STARD9: variants seen among roughly 807,000 people sequenced by gnomAD.
STARD9 encodes the protein stAR-related lipid transfer protein 9.
A neutral mutation model predicts 399.8 loss-of-function variants in STARD9; 346 were observed. That is an observed-to-expected ratio of 0.87 (90% CI 0.79 to 0.95). The LOEUF (loss-of-function observed/expected upper bound fraction) is 0.95, where lower values mean the gene tolerates loss of function less well. STARD9 is among the 40% of genes least tolerant of loss of function. The probability of loss-of-function intolerance (pLI) is 0.00; values close to 1 mark genes in which losing one functional copy is unlikely to be tolerated. For missense variants in STARD9, 5,832 were observed against 5,667.5 expected, an observed-to-expected ratio of 1.03 and a Z score of -0.93; for synonymous variants, 2,203 against 2,143.5, an observed-to-expected ratio of 1.03 and a Z score of -0.77.
chr15:42,585,100 G>T (rs572679906), intron 2 of STARD9, among the ~76,000 whole-genome samples: 22 of 151,882 alleles, frequency 1.4e-4, no homozygotes, highest in Non-Finnish European at 2.4e-4. Context: ...GTTTAGACTT[G>T]GATTCACCCC....
In STARD9 at chr15:42,686,243, G is replaced by A; in HGVS notation, c.4665G>A (p.Arg1555=). The A allele has an allele frequency of 3.9e-6, 6 of 1,537,722 alleles. No homozygotes were observed. The highest frequency in any genetic ancestry group is 5.2e-6 in the Non-Finnish European group (6 of 1,147,028). The change falls in exon 23 of 33, where the codon AGG becomes AGA. Residue 1555 remains arginine, a synonymous_variant. Coordinates refer to ENST00000290607, the MANE Select transcript of STARD9 (RefSeq NM_020759.3). Reference sequence around the variant, plus strand: ...TTCCAGTCCATCTGTCCAGAATCAGGCGTTTGAGGGCAGAGAAAGAACAGG... The same window carrying A: ...TTCCAGTCCATCTGTCCAGAATCAGACGTTTGAGGGCAGAGAAAGAACAGG... The part of the protein sequence containing the change: ...NNFPVHLSRI[R]RLRAEKEQDS...
intron 2 of STARD9, among the ~76,000 whole-genome samples, chr15:42,583,905 C>T (rs2058222804): frequency 3.3e-5 from 5 of 152,048 alleles, no homozygotes; most frequent in Admixed American, 3.3e-4. Flanking sequence ...AGAAGGGAGT[C>T]AGTCACTAGC....
intron 9 of STARD9, among the ~76,000 whole-genome samples, chr15:42,655,715 A>G (rs970517322): frequency 3.9e-5 from 6 of 152,274 alleles, no homozygotes; most frequent in South Asian, 2.1e-4. Context: ...AGCAAATGCA[A>G]CAAAAACAAA....
chr15:42,666,043 G>C (rs567074589), intron 15 of STARD9, among the ~76,000 whole-genome samples, 195 bp downstream of exon 15: 1 of 152,332 alleles, frequency 6.6e-6, no homozygotes, highest in East Asian at 1.9e-4. Context: ...CTGACTTTCT[G>C]TATTGTTCTC....
rs1199887229 is a variant in STARD9 at position 42,692,853 on chromosome 15, G to A, written c.11275G>A (p.Val3759Met). 2 of 1,537,136 alleles carry A rather than the reference G, an allele frequency of 1.3e-6. No individual in the cohort carries two copies. Among genetic ancestry groups the A allele is most frequent in the Non-Finnish European group, 1.7e-6 (2 of 1,146,920 alleles). ...TSEAEPQGANVILEGLGSDTS... is the reference protein window; with the variant it reads ...TSEAEPQGANMILEGLGSDTS... Reference sequence around the variant, plus strand: ...AGAGGCTGAACCTCAGGGAGCCAATGTGATCCTTGAAGGGCTAGGCTCAGA... The same window carrying A: ...AGAGGCTGAACCTCAGGGAGCCAATATGATCCTTGAAGGGCTAGGCTCAGA... Residue 3759 changes from valine to methionine, a missense_variant, in exon 23 of 33, where the codon GTG becomes ATG. This residue lies in a region of STARD9 where 5,828 missense variants were observed against 5,651.1 expected (regional missense o/e 1.03). Coordinates refer to ENST00000290607, the MANE Select transcript of STARD9 (RefSeq NM_020759.3).
chr15:42,710,747 G>A (rs1368787623), intron 26 of STARD9, among the ~76,000 whole-genome samples: 4 of 152,178 alleles, frequency 2.6e-5, no homozygotes, highest in Non-Finnish European at 5.9e-5. Flanking sequence ...GGTGTTAGCA[G>A]CACCATACTC....
At chr15:42,621,990 T>C (rs2059102670) in intron 3 of STARD9, among the ~76,000 whole-genome samples, 1 of 152,238 alleles carries the variant, frequency 6.6e-6, no homozygotes, top group Non-Finnish European at 1.5e-5. Flanking sequence ...TCAATCTATA[T>C]TGAAGCCTAT....
chr15:42,718,782 G>A lies in STARD9; in HGVS notation c.13873G>A (p.Val4625Met). ...CCTGTCTGTCATGGCAGCCCAGTCT[G>A]TGTATGATACATCCATGCCAAGACC... ...GHLSVMAAQS[V>M]YDTSMPRPSR... is the part of the protein sequence containing the mutation. Residue 4625 changes from valine to methionine, a missense_variant, in exon 32 of 33, where the codon GTG becomes ATG. Transcript: ENST00000290607. 2.0e-6 allele frequency: 3 copies of A among 1,537,268 alleles called. No homozygotes were observed. In the South Asian group the frequency reaches 3.6e-5, roughly 18 times the overall value.
At chr15:42,578,106 A>ATT (rs57016102) in intron 1 of STARD9, among the ~76,000 whole-genome samples, 1 of 134,126 alleles carries the variant, frequency 7.5e-6, no homozygotes, top group Admixed American at 7.4e-5. Flanking sequence ...TTGACGCTCA[A>ATT]TTTTTTTTTT....
rs769663277 is a variant in STARD9, at chr15:42,687,586, A to G, written c.6008A>G (p.Tyr2003Cys). Residue 2003 changes from tyrosine (Y) to cysteine (C), a missense_variant, in exon 23 of 33, where the codon TAT becomes TGT. Physicochemically the swap from Tyr to Cys is radical, Grantham distance 194 (BLOSUM62 -2). Around this residue, in one of 2 missense-constraint regions of STARD9, gnomAD observed 5,828 missense variants for 5,651.1 expected, o/e 1.03. Coordinates refer to ENST00000290607, the MANE Select transcript of STARD9 (RefSeq NM_020759.3). ...AAGCTTCCAGGTACAAAGCCTGCAT[A>G]TGAAAGGTTCCAGTTAGTTGCATGC... is the stretch of plus-strand genomic sequence containing the variant. Reference protein sequence around the residue: ...EFKLPGTKPAYERFQLVACPQ... With the variant: ...EFKLPGTKPACERFQLVACPQ... 10 of 1,537,020 alleles carry G rather than the reference A, an allele frequency of 6.5e-6. No individual in the cohort carries two copies. The highest frequency in any genetic ancestry group is 2.7e-5 in the African/African-American group (2 of 73,056).
chr15:42,591,487 T>TAAAAAA (rs58884115), intron 3 of STARD9, among the ~76,000 whole-genome samples: 1 of 136,066 alleles, frequency 7.3e-6, no homozygotes, highest in African/African-American at 2.7e-5. Flanking sequence ...GAGTCCATCT[T>TAAAAAA]AAAAAAAAAA....
At chr15:42,596,014 A>G (rs971452903) in intron 3 of STARD9, among the ~76,000 whole-genome samples, 1 of 152,240 alleles carries the variant, frequency 6.6e-6, no homozygotes, top group African/African-American at 2.4e-5. Context: ...GATTCTTGAC[A>G]ATGTTTGCTG....
chr15:42,691,037 C>G lies in STARD9; in HGVS notation c.9459C>G (p.Ser3153Arg), dbSNP rs1470984542. 2.6e-6 allele frequency: 4 copies of G among 1,537,074 alleles called. No individual in the cohort carries two copies. Among genetic ancestry groups the G allele is most frequent in the Middle Eastern group, 3.3e-4 (2 of 6,012 alleles). The change falls in exon 23 of 33, where the codon AGC (serine) becomes AGG (arginine). Residue 3153 changes from serine to arginine, a missense_variant. Physicochemically the swap from Ser to Arg is moderately radical, Grantham distance 110. Coordinates refer to ENST00000290607, the MANE Select transcript of STARD9 (RefSeq NM_020759.3). The stretch of plus-strand genomic sequence containing the variant: ...ATTTAAGTGAAGGGTCTGCTGAGAG[C>G]AAGTTGGTGGTAGAGCCACAGCATG... ...TLDLSEGSAESKLVVEPQHEC... is the reference protein window; with the variant it reads ...TLDLSEGSAERKLVVEPQHEC...
chr15:42,684,336 G>C lies in STARD9; in HGVS notation c.2758G>C (p.Ala920Pro). The C allele has an allele frequency of 6.5e-7, 1 of 1,536,300 alleles. No individual in the cohort carries two copies. Among genetic ancestry groups the C allele is most frequent in the Non-Finnish European group, 8.7e-7 (1 of 1,146,304 alleles). The change falls in exon 23 of 33, where the codon GCT becomes CCT. Residue 920 changes from alanine (A) to proline (P), a missense_variant. By Grantham distance (27) the Ala-to-Pro change is conservative. Coordinates refer to ENST00000290607, the MANE Select transcript of STARD9 (RefSeq NM_020759.3). The stretch of plus-strand genomic sequence containing the variant: ...CAGGAAGGGAGCCTCAGCTCCAGAC[G>C]CTTGCCTCACCATGAGTCCCAACTC... ...LARKGASAPD[A>P]CLTMSPNSVG...
Position 42,695,889 on chromosome 15 carries a change from G to A in STARD9, c.13284+9G>A. ...AGTTCCCAGAGAATATGGTGAGTAG[G>A]CAGATGTTGGGAATGAGCCAGGGGC... On this transcript the variant is annotated intron_variant, in intron 26 of 32. Coordinates refer to ENST00000290607, the MANE Select transcript of STARD9 (RefSeq NM_020759.3). 6.5e-7 allele frequency: 1 copy of A among 1,536,452 alleles called. No homozygotes were observed.
At chr15:42,716,527 T>C (rs2061353594) in intron 26 of STARD9, 150 bp from the exon 27 acceptor site, 1 of 606,478 alleles carries the variant, frequency 1.6e-6, no homozygotes, top group Non-Finnish European at 3.0e-6. Flanking sequence ...GTGGTCTTCT[T>C]TGGGGGACAT....
At chr15:42,591,401 T>C (rs1441648987) in intron 3 of STARD9, among the ~76,000 whole-genome samples, 1 of 151,846 alleles carries the variant, frequency 6.6e-6, no homozygotes, top group Non-Finnish European at 1.5e-5. Context: ...AGCAGGAGAA[T>C]TGCTTTAACC....
In STARD9 at chr15:42,652,573, T is replaced by G. The variant is rs1254487782; in HGVS notation, c.683T>G (p.Phe228Cys). Residue 228 changes from phenylalanine (F) to cysteine (C), a missense_variant, in exon 9 of 33, where the codon TTC becomes TGC. By Grantham distance (205) the Phe-to-Cys change is radical (BLOSUM62 -2). Around this residue, in one of 2 missense-constraint regions of STARD9, gnomAD observed 5,828 missense variants for 5,651.1 expected, o/e 1.03. Coordinates refer to ENST00000290607, the MANE Select transcript of STARD9 (RefSeq NM_020759.3). ...HEASSRSHAI[F>C]TIHYTQAILE... ...GCCAGCAGCAGATCCCACGCCATTT[T>G]CACGATCCACTACACGCAGGTTGGT... 1 of 1,537,082 alleles carries G rather than the reference T, an allele frequency of 6.5e-7. No individual in the cohort carries two copies. Among genetic ancestry groups the G allele is most frequent in the East Asian group, 2.4e-5 (1 of 40,906 alleles).
rs950560257 is a variant in STARD9 at position 42,687,759 on chromosome 15, A to G, written c.6181A>G (p.Ile2061Val). 4 of 1,537,484 alleles carry G rather than the reference A, an allele frequency of 2.6e-6. No individual in the cohort carries two copies. The highest frequency in any genetic ancestry group is 3.5e-6 in the Non-Finnish European group (4 of 1,146,926). ...GAGTGTAATGCAGCTGGAAAATGGCATCTTAGAAATTGAATCTAAGCAGAA... is the reference window on the plus strand; with the variant it reads ...GAGTGTAATGCAGCTGGAAAATGGCGTCTTAGAAATTGAATCTAAGCAGAA... ...IRSVMQLENG[I>V]LEIESKQNKQ... The change falls in exon 23 of 33, where the codon ATC becomes GTC. Residue 2061 changes from isoleucine to valine, a missense_variant. By Grantham distance (29) the Ile-to-Val change is conservative. This residue lies in a region of STARD9 where 5,828 missense variants were observed against 5,651.1 expected (regional missense o/e 1.03). Coordinates refer to ENST00000290607, the MANE Select transcript of STARD9 (RefSeq NM_020759.3).
Sources: allele counts gnomAD v4.1 joint callset (sites outside exome capture counted in the v4.1 genomes callset), GRCh38; gene constraint gnomAD v4.1.1; regional missense constraint gnomAD v4.1.1; transcripts MANE v1.5; gene names NCBI Gene and HGNC (gene_info 2026-07-23, HGNC 2026-07-21).